CMTM1: variants seen among roughly 807,000 people sequenced by gnomAD.
The protein encoded by CMTM1 is CKLF like MARVEL transmembrane domain containing 1, also known as CKLF-like MARVEL transmembrane domain-containing protein 1.
In CMTM1, 16 loss-of-function variants were observed where a neutral mutation model predicts 17.8. That is an observed-to-expected ratio of 0.90 (90% CI 0.61 to 1.37). The LOEUF (loss-of-function observed/expected upper bound fraction) is 1.37. Ranked by LOEUF, CMTM1 falls within the 40% of genes most tolerant of loss-of-function variation. The probability of loss-of-function intolerance (pLI) is 0.00; values close to 1 mark genes in which losing one functional copy is unlikely to be tolerated. For missense variants in CMTM1, 354 were observed against 375.6 expected, an observed-to-expected ratio of 0.94 and a Z score of 0.47; for synonymous variants, 169 against 154.6, an observed-to-expected ratio of 1.09 and a Z score of -0.69.
At position 66,570,070 on chromosome 16, in the gene CMTM1, G is replaced by A. The variant is rs574920092; in HGVS notation, c.567G>A (p.Leu189=). The change falls in exon 2 of 4, where the codon CTG becomes CTA. Residue 189 remains leucine, a synonymous_variant. Transcript: ENST00000379500. ...LIYVLTLHHL[L]TYLHWPLLDL... is the part of the protein sequence containing the mutation. ...ATGTGCTAACCCTTCACCACTTGCT[G>A]ACCTATTTACATTGGCCCTTACTTG... is the stretch of plus-strand genomic sequence containing the variant. 2.5e-6 allele frequency: 4 copies of A among 1,602,796 alleles called. No homozygotes were observed. In the African/African-American group the frequency reaches 5.4e-5, roughly 22 times the overall value.
intron 1 of CMTM1, among the ~76,000 whole-genome samples, chr16:66,569,366 G>T (rs538625784): frequency 1.3e-5 from 2 of 152,188 alleles, no homozygotes; most frequent in African/African-American, 2.4e-5. Context: ...AGGAAGACTA[G>T]GTGAAACAAT....
intron 1 of CMTM1, among the ~76,000 whole-genome samples, chr16:66,568,953 AC>A (rs2013066632): frequency 6.6e-6 from 1 of 151,850 alleles, no homozygotes; most frequent in African/African-American, 2.4e-5. Flanking sequence ...CTAGAAAAAA[AC>A]AAATCAACTG....
At chr16:66,574,340 G>A (rs1479382324) in intron 2 of CMTM1, among the ~76,000 whole-genome samples, 3 of 152,198 alleles carry the variant, frequency 2.0e-5, no homozygotes, top group African/African-American at 7.2e-5. Context: ...GAGAGTCTGT[G>A]TCTAAGGCAA....
chr16:66,571,410 T>G (rs943448484), intron 2 of CMTM1: 11 of 331,936 alleles, frequency 3.3e-5, no homozygotes, highest in Non-Finnish European at 6.5e-5. Context: ...ATTAAAGACA[T>G]TCAGTTGCCA....
chr16:66,574,471 A>G (rs1051711596), intron 2 of CMTM1, among the ~76,000 whole-genome samples: 1 of 152,218 alleles, frequency 6.6e-6, no homozygotes, highest in Non-Finnish European at 1.5e-5. Flanking sequence ...AACTGGGGAT[A>G]ATGAGAGTTT....
intron 2 of CMTM1, among the ~76,000 whole-genome samples, chr16:66,570,915 C>A (rs1171635511): frequency 1.3e-5 from 2 of 152,220 alleles, no homozygotes; most frequent in Non-Finnish European, 2.9e-5. Context: ...AAAAGAACAG[C>A]CACCCATCAG....
At chr16:66,567,034 C>T (rs1388535126) in intron 1 of CMTM1, 89 bp downstream of exon 1, 3 of 1,382,940 alleles carry the variant, frequency 2.2e-6, no homozygotes, top group South Asian at 1.2e-5. Context: ...CTCCAGAAAC[C>T]TTCCATAATT....
chr16:66,570,149 G>A (rs2144621930), intron 2 of CMTM1, 55 bp downstream of exon 2: 4 of 1,386,500 alleles, frequency 2.9e-6, no homozygotes, highest in Admixed American at 2.1e-5. Flanking sequence ...CAGCCCCAGA[G>A]TAAGGGCTCT....
Position 66,566,859 on chromosome 16 carries a change from G to T in CMTM1, c.346G>T (p.Gly116Cys). The part of the protein sequence containing the change: ...NEMAIKERVE[G>C]RAKVPYKFRD... ...GATGGCGATCAAAGAGCGCGTGGAGGGCCGAGCCAAAGTCCCGTACAAATT... is the reference window on the plus strand; with the variant it reads ...GATGGCGATCAAAGAGCGCGTGGAGTGCCGAGCCAAAGTCCCGTACAAATT... Residue 116 changes from glycine (G) to cysteine (C), a missense_variant, in exon 1 of 4, where the codon GGC becomes TGC. Physicochemically the swap from Gly to Cys is radical, Grantham distance 159. Coordinates refer to ENST00000379500, the MANE Select transcript of CMTM1 (RefSeq NM_052999.4). This position sits in a 1 kb window ranked among gnomAD's most constrained non-coding sequence, Gnocchi z 4.9. 1 of 1,612,346 alleles carries T rather than the reference G, an allele frequency of 6.2e-7. No homozygotes were observed. Among genetic ancestry groups the T allele is most frequent in the Admixed American group, 1.7e-5 (1 of 58,584 alleles).
intron 1 of CMTM1, among the ~76,000 whole-genome samples, chr16:66,569,211 G>A (rs536346525): frequency 1.2e-4 from 18 of 152,138 alleles, no homozygotes; most frequent in Non-Finnish European, 2.6e-4. Flanking sequence ...TTTTGTTCTT[G>A]AGAAAAACTA....
rs200938287 is a variant in CMTM1 at position 66,577,083 on chromosome 16, A to G, written c.592-21A>G. 4 of 1,598,514 alleles carry G rather than the reference A, an allele frequency of 2.5e-6. No individual in the cohort carries two copies. The African/African-American group carries it at 4.0e-5, about 16-fold the overall frequency. On this transcript the variant is annotated intron_variant, in intron 2 of 3. Transcript: ENST00000379500. ...ATTATATTGTTGTGTAAACTTGATA[A>G]TTTTCAATTCTTTATTACAGGATCT...
At chr16:66,571,436 G>A (rs116118033) in intron 2 of CMTM1, among the ~76,000 whole-genome samples, 7,705 of 152,202 alleles carry the variant, frequency 0.051, 318 homozygotes, top group East Asian at 0.12. Context: ...ATTCAATTCA[G>A]TAGCCATATG....
Position 66,578,979 on chromosome 16 carries a change from A to T in CMTM1, c.839A>T (p.Asp280Val). 1 of 1,613,536 alleles carries T rather than the reference A, an allele frequency of 6.2e-7. No homozygotes were observed. Among genetic ancestry groups the T allele is most frequent in the Non-Finnish European group, 8.5e-7 (1 of 1,179,932 alleles). Residue 280 changes from aspartate to valine, a missense_variant, in exon 4 of 4, where the codon GAC (aspartate) becomes GTC (valine). By Grantham distance (152) the Asp-to-Val change is radical. Coordinates refer to ENST00000379500, the MANE Select transcript of CMTM1 (RefSeq NM_052999.4). Reference protein sequence around the residue: ...AKDAYPETGPDAPQRPA With the variant: ...AKDAYPETGPVAPQRPA The stretch of plus-strand genomic sequence containing the variant: ...GACGCCTACCCCGAAACCGGCCCCG[A>T]CGCCCCGCAGAGGCCCGCCTGAAGC...
At chr16:66,578,433 C>G (rs184677196) in intron 3 of CMTM1, among the ~76,000 whole-genome samples, 1 of 152,156 alleles carries the variant, frequency 6.6e-6, no homozygotes, top group African/African-American at 2.4e-5. Flanking sequence ...AGACCCTAGT[C>G]CAGTGCCTGG....
At chr16:66,577,807 C>A (rs1227529093) in intron 3 of CMTM1, among the ~76,000 whole-genome samples, 6 of 152,174 alleles carry the variant, frequency 3.9e-5, no homozygotes, top group African/African-American at 7.2e-5. Context: ...AATGGCAGAT[C>A]AAATGCTTGG....
At chr16:66,567,441 A>G (rs111681362) in intron 1 of CMTM1, 2,648 of 243,080 alleles carry the variant, frequency 0.011, 32 homozygotes, top group African/African-American at 0.037. Context: ...TTTGCTGAGA[A>G]TAATGGTTTC....
chr16:66,579,073 A>T lies in CMTM1; in HGVS notation c.*72A>T. On this transcript the variant is annotated 3_prime_UTR_variant, in exon 4 of 4. Coordinates refer to ENST00000379500, the MANE Select transcript of CMTM1 (RefSeq NM_052999.4). This position sits in a 1 kb window ranked among gnomAD's most constrained non-coding sequence, Gnocchi z 6.5. Reference sequence around the variant, plus strand: ...CCTCCGAGCCCACCCCCGAGCTCGCATGCTGTCACCCATTCCAGCCTAAAT... The same window carrying T: ...CCTCCGAGCCCACCCCCGAGCTCGCTTGCTGTCACCCATTCCAGCCTAAAT... The T allele has an allele frequency of 6.4e-7, 1 of 1,563,022 alleles. No individual in the cohort carries two copies. The highest frequency in any genetic ancestry group is 8.7e-7 in the Non-Finnish European group (1 of 1,154,582).
At chr16:66,569,700 A>G (rs1396107246) in intron 1 of CMTM1, among the ~76,000 whole-genome samples, 1 of 152,166 alleles carries the variant, frequency 6.6e-6, no homozygotes, top group Non-Finnish European at 1.5e-5. Context: ...TTTTAAGGAG[A>G]GAGACTAAGG....
At position 66,577,190 on chromosome 16, in the gene CMTM1, C is replaced by T. The variant is rs202207367; in HGVS notation, c.678C>T (p.Leu226=). 1.2e-6 allele frequency: 2 copies of T among 1,613,642 alleles called. No homozygotes were observed. Among genetic ancestry groups the T allele is most frequent in the East Asian group, 4.5e-5 (2 of 44,866 alleles). The change falls in exon 3 of 4, where the codon CTC becomes CTT. Residue 226 remains leucine (L), a synonymous_variant. Transcript: ENST00000379500. Reference sequence around the variant, plus strand: ...AAGAAAAGAAAAGAAGGCATTTACTCTATGTCGGGGGGGTAAGTAGAGGCC... The same window carrying T: ...AAGAAAAGAAAAGAAGGCATTTACTTTATGTCGGGGGGGTAAGTAGAGGCC... ...AMQEKKRRHL[L]YVGGSLCLTA...
Sources: gnomAD v4.1 joint callset for allele counts (sites outside exome capture counted in the v4.1 genomes callset) on GRCh38, gnomAD v4.1.1 for gene constraint, Gnocchi (gnomAD v3.1) non-coding constraint, MANE v1.5 for transcripts, NCBI Gene and HGNC (gene_info 2026-07-23, HGNC 2026-07-21) for gene names.